SUPT3H: variants seen among roughly 807,000 people sequenced by gnomAD.
The protein encoded by SUPT3H is SPT3 homolog, SAGA and STAGA complex component, also known as transcription initiation protein SPT3 homolog.
In SUPT3H, 44 loss-of-function variants were observed where a neutral mutation model predicts 44.3. That is an observed-to-expected ratio of 0.99 (90% confidence interval 0.78 to 1.28). The LOEUF is 1.28. Ranked by LOEUF, SUPT3H falls within the 50% of genes most tolerant of loss-of-function variation. The pLI, the probability that SUPT3H is intolerant of heterozygous loss-of-function variation, is 0.00. For missense variants in SUPT3H, 380 were observed against 387.1 expected (o/e 0.98, Z 0.15); for synonymous variants, 124 against 125.6 (o/e 0.99, Z 0.09).
At chr6:44,974,415 G>T (rs921154488) in intron 6 of SUPT3H, among the ~76,000 whole-genome samples, 3 of 152,024 alleles carry the variant, frequency 2.0e-5, no homozygotes, top group Non-Finnish European at 4.4e-5. Flanking sequence ...GGTGAGGGAA[G>T]AAGACTCACA....
chr6:45,172,296 C>A, intron 2 of SUPT3H, among the ~76,000 whole-genome samples: 1 of 151,788 alleles, frequency 6.6e-6, no homozygotes, highest in Non-Finnish European at 1.5e-5. Context: ...TGGTCTCGAT[C>A]TCTGGACCTC....
At chr6:45,323,716 T>C (rs1022099213) in intron 2 of SUPT3H, among the ~76,000 whole-genome samples, 5 of 152,088 alleles carry the variant, frequency 3.3e-5, no homozygotes, top group African/African-American at 9.7e-5. Context: ...AAGAGTTCAA[T>C]TGAAAGAGAG....
intron 10 of SUPT3H, among the ~76,000 whole-genome samples, chr6:44,904,125 C>T (rs565281435): frequency 6.6e-6 from 1 of 152,178 alleles, no homozygotes; most frequent in Admixed American, 6.5e-5. Flanking sequence ...TGGCACAAGA[C>T]AGGGATGCCC....
At chr6:45,016,335 T>A (rs1411338652) in intron 4 of SUPT3H, among the ~76,000 whole-genome samples, 3 of 151,856 alleles carry the variant, frequency 2.0e-5, no homozygotes, top group East Asian at 3.9e-4. Context: ...AATTTTTTTT[T>A]ATTTATTTTT....
At chr6:45,288,294 A>G (rs1779641488) in intron 2 of SUPT3H, among the ~76,000 whole-genome samples, 1 of 152,004 alleles carries the variant, frequency 6.6e-6, no homozygotes, top group Non-Finnish European at 1.5e-5. Flanking sequence ...ACTGAGAAGC[A>G]TAAATAACGG....
chr6:44,897,432 C>A (rs1282337359), intron 10 of SUPT3H, among the ~76,000 whole-genome samples: 3 of 152,168 alleles, frequency 2.0e-5, no homozygotes, highest in African/African-American at 7.2e-5. Flanking sequence ...TTTTATCCAA[C>A]AGAAATTTCC....
intron 2 of SUPT3H, among the ~76,000 whole-genome samples, chr6:45,193,986 T>C (rs1485797945): frequency 6.6e-6 from 1 of 152,192 alleles, no homozygotes; most frequent in Non-Finnish European, 1.5e-5. Context: ...ATTAGAAATT[T>C]AAACTGTCCA....
intron 2 of SUPT3H, among the ~76,000 whole-genome samples, chr6:45,130,853 G>A (rs1174550662): frequency 1.3e-5 from 2 of 151,636 alleles, no homozygotes; most frequent in African/African-American, 4.9e-5. Flanking sequence ...AAGTAGCTGG[G>A]ATTACAGGCA....
chr6:45,339,855 C>G (rs1460318909), intron 2 of SUPT3H, among the ~76,000 whole-genome samples: 1 of 152,036 alleles, frequency 6.6e-6, no homozygotes, highest in African/African-American at 2.4e-5. Flanking sequence ...TGAAACTGTA[C>G]TTTGTTAGCT....
chr6:45,029,564 A>T (rs960730628), intron 3 of SUPT3H, among the ~76,000 whole-genome samples: 17 of 152,086 alleles, frequency 1.1e-4, no homozygotes, highest in Admixed American at 2.6e-4. Context: ...GGAGAACAAG[A>T]AGCAATAATC....
chr6:45,156,929 C>T (rs1583889957), intron 2 of SUPT3H, among the ~76,000 whole-genome samples: 1 of 152,020 alleles, frequency 6.6e-6, no homozygotes, highest in South Asian at 2.1e-4. Context: ...CTTGGATAAT[C>T]TAGTTGAAAT....
intron 2 of SUPT3H, among the ~76,000 whole-genome samples, chr6:45,111,577 G>T (rs1312580077): frequency 7.5e-6 from 1 of 133,156 alleles, no homozygotes; most frequent in Admixed American, 9.1e-5. Context: ...ATTTGTTAAG[G>T]GAATGAATTA....
At chr6:44,980,682 T>C (rs930848647) in intron 6 of SUPT3H, among the ~76,000 whole-genome samples, 2 of 152,216 alleles carry the variant, frequency 1.3e-5, no homozygotes, top group African/African-American at 4.8e-5. Flanking sequence ...TCATTACATC[T>C]ATGTGACCCA....
In SUPT3H at chr6:44,850,670, C is replaced by CT. The variant is rs1175643920; in HGVS notation, c.913-20814dup. 3.9e-5 allele frequency among the ~76,000 whole-genome samples: 6 copies of CT among 151,980 alleles called. No homozygotes were observed. The South Asian group carries it at 8.3e-4, about 21-fold the overall frequency. On this transcript the variant is annotated intron_variant, in intron 10 of 10. Coordinates refer to ENST00000371459, the MANE Select transcript of SUPT3H (RefSeq NM_003599.4). The stretch of plus-strand genomic sequence containing the variant: ...GTTTATGACTGAAATACTGAACTTT[C>CT]TTTTTTCAATTATTTTGTTCATTGT...
At chr6:45,311,494 T>C (rs1783942319) in intron 2 of SUPT3H, among the ~76,000 whole-genome samples, 1 of 152,132 alleles carries the variant, frequency 6.6e-6, no homozygotes, top group South Asian at 2.1e-4. Context: ...AAAAGATCAA[T>C]GTCTAGGCAC....
chr6:45,306,791 GGA>G (rs1783097989), intron 2 of SUPT3H, among the ~76,000 whole-genome samples: 2 of 110,464 alleles, frequency 1.8e-5, no homozygotes, highest in African/African-American at 3.0e-5. Flanking sequence ...AGTGGGTGCA[GGA>G]CAGTGGGTGC....
chr6:44,891,529 T>C (rs1582275136), intron 10 of SUPT3H, among the ~76,000 whole-genome samples: 1 of 152,234 alleles, frequency 6.6e-6, no homozygotes, highest in African/African-American at 2.4e-5. Context: ...TCCATTTATA[T>C]GATGTATCTA....
At chr6:45,037,566 A>G (rs1787868110) in intron 3 of SUPT3H, among the ~76,000 whole-genome samples, 1 of 151,864 alleles carries the variant, frequency 6.6e-6, no homozygotes, top group Non-Finnish European at 1.5e-5. Flanking sequence ...CGGGAGGCTG[A>G]GGCAGGAGAA....
At chr6:45,106,618 C>T (rs1489107120) in intron 2 of SUPT3H, among the ~76,000 whole-genome samples, 1 of 151,984 alleles carries the variant, frequency 6.6e-6, no homozygotes, top group African/African-American at 2.4e-5. Context: ...CTCACTGCAA[C>T]CTCCGCCTCC....
Sources: gnomAD v4.1 joint callset for allele counts (sites outside exome capture counted in the v4.1 genomes callset) on GRCh38, gnomAD v4.1.1 for gene constraint, MANE v1.5 for transcripts, NCBI Gene and HGNC (gene_info 2026-07-23, HGNC 2026-07-21) for gene names.